Variants in RAD51B observed in about 807,000 individuals in gnomAD.
The protein encoded by RAD51B is DNA repair protein RAD51 homolog 2.
A neutral mutation model predicts 42.2 loss-of-function variants in RAD51B; 38 were observed. The observed-to-expected ratio is 0.90, with a 90% CI of 0.70 to 1.18. The LOEUF is 1.18. RAD51B is among the 50% of genes most tolerant of loss of function. The probability of loss-of-function intolerance (pLI) is 0.00; values close to 1 mark genes in which losing one functional copy is unlikely to be tolerated. For missense variants in RAD51B, 373 were observed against 400.7 expected (o/e 0.93, Z 0.59); for synonymous variants, 154 against 145.2 (o/e 1.06, Z -0.43).
At chr14:68,094,445 A>T (rs1566640148) in intron 7 of RAD51B, among the ~76,000 whole-genome samples, 1 of 152,234 alleles carries the variant, frequency 6.6e-6, no homozygotes. Context: ...ATTTAATGAA[A>T]AATATAAAAG....
At chr14:68,573,450 T>A (rs183134844) in intron 10 of RAD51B, among the ~76,000 whole-genome samples, 1 of 152,306 alleles carries the variant, frequency 6.6e-6, no homozygotes, top group Non-Finnish European at 1.5e-5. Flanking sequence ...ATTCCTTTCT[T>A]AAGGAGAGCT....
chr14:68,203,845 AC>A (rs1350230423), intron 7 of RAD51B, among the ~76,000 whole-genome samples: 1 of 152,096 alleles, frequency 6.6e-6, no homozygotes, highest in Non-Finnish European at 1.5e-5. Context: ...TCATGAAGCA[AC>A]CCCTGCTAAC....
At chr14:67,866,535 G>A (rs1047402837) in intron 5 of RAD51B, among the ~76,000 whole-genome samples, 1 of 152,198 alleles carries the variant, frequency 6.6e-6, no homozygotes, top group African/African-American at 2.4e-5. Context: ...CAGCAGTTCA[G>A]TTCACTGTAA....
intron 7 of RAD51B, among the ~76,000 whole-genome samples, chr14:68,196,269 A>G (rs1046856066): frequency 6.6e-6 from 1 of 152,116 alleles, no homozygotes; most frequent in African/African-American, 2.4e-5. Flanking sequence ...ATGATCCATT[A>G]ATGATGTGAA....
intron 7 of RAD51B, among the ~76,000 whole-genome samples, chr14:68,266,631 C>G (rs1361563301): frequency 6.6e-6 from 1 of 152,150 alleles, no homozygotes; most frequent in African/African-American, 2.4e-5. Context: ...CCAACATTTC[C>G]CTGGAAGGGC....
At chr14:67,918,312 G>A (rs572939320) in intron 7 of RAD51B, among the ~76,000 whole-genome samples, 2 of 152,258 alleles carry the variant, frequency 1.3e-5, no homozygotes, top group African/African-American at 4.8e-5. Flanking sequence ...CTGGCTCACT[G>A]CAACCTCCAC....
At chr14:67,974,253 C>T (rs1479416244) in intron 7 of RAD51B, among the ~76,000 whole-genome samples, 1 of 151,982 alleles carries the variant, frequency 6.6e-6, no homozygotes, top group Non-Finnish European at 1.5e-5. Context: ...TAGGGAATTA[C>T]AATGAAGAGA....
intron 10 of RAD51B, among the ~76,000 whole-genome samples, chr14:68,491,218 C>A (rs779180150): frequency 6.6e-6 from 1 of 152,192 alleles, no homozygotes; most frequent in Admixed American, 6.5e-5. Flanking sequence ...TGCACTCCAA[C>A]CCCAGGCCCG....
At chr14:68,552,884 T>A (rs1888649314) in intron 10 of RAD51B, among the ~76,000 whole-genome samples, 1 of 152,214 alleles carries the variant, frequency 6.6e-6, no homozygotes, top group South Asian at 2.1e-4. Flanking sequence ...CTGAATCACA[T>A]GCAGCTTTTC....
intron 7 of RAD51B, among the ~76,000 whole-genome samples, chr14:68,205,859 GA>G (rs2079574620): frequency 1.3e-5 from 2 of 152,048 alleles, no homozygotes; most frequent in Admixed American, 1.3e-4. Context: ...CAAGAAAGGG[GA>G]TATTCTGTTA....
chr14:68,047,116 A>G (rs1302797718), intron 7 of RAD51B, among the ~76,000 whole-genome samples: 2 of 152,204 alleles, frequency 1.3e-5, no homozygotes, highest in East Asian at 1.9e-4. Context: ...GTTTCTACTT[A>G]GAAGGAAGCC....
intron 10 of RAD51B, among the ~76,000 whole-genome samples, chr14:68,624,118 A>G (rs2140117462): frequency 6.6e-6 from 1 of 152,266 alleles, no homozygotes; most frequent in Non-Finnish European, 1.5e-5. Context: ...CACATCTCAT[A>G]CTCAGGATGA....
chr14:68,121,392 G>A (rs984960396), intron 7 of RAD51B, among the ~76,000 whole-genome samples: 2 of 152,110 alleles, frequency 1.3e-5, no homozygotes, highest in African/African-American at 2.4e-5. Context: ...TCTAAGAGGC[G>A]TTATTCCTCC....
At chr14:67,926,148 C>A (rs2044499345) in intron 7 of RAD51B, among the ~76,000 whole-genome samples, 1 of 152,220 alleles carries the variant, frequency 6.6e-6, no homozygotes. Context: ...GCTTGGATTT[C>A]TCCTCAGAAA....
At chr14:68,296,117 C>T (rs1474915507) in intron 8 of RAD51B, among the ~76,000 whole-genome samples, 1 of 152,154 alleles carries the variant, frequency 6.6e-6, no homozygotes, top group Non-Finnish European at 1.5e-5. Flanking sequence ...ACAACACAGT[C>T]ATTTTTCCCA....
rs867699638 is a variant in RAD51B at position 68,426,692 on chromosome 14, G to A, written c.957+15165G>A. The stretch of plus-strand genomic sequence containing the variant: ...ATTCTCAGCCTGGTTGCCTGGTAGA[G>A]AAAGAAAGAGAGCATTTTCTGGAGA... On this transcript the variant is annotated intron_variant, in intron 9 of 10. Transcript: ENST00000471583. Among the ~76,000 whole-genome samples, 41 of 150,534 alleles carry A rather than the reference G, an allele frequency of 2.7e-4. 1 individual carries two copies. In the Middle Eastern group the frequency reaches 0.031, roughly 112 times the overall value.
At chr14:68,595,619 AT>A in exon 11 of RAD51B, 2 of 1,061,854 alleles carry the variant, frequency 1.9e-6, no homozygotes, top group Non-Finnish European at 2.3e-6. Flanking sequence ...AGTCTCCCCA[AT>A]GTCTACATTG....
At chr14:68,351,810 G>A (rs1463713257) in intron 8 of RAD51B, among the ~76,000 whole-genome samples, 1 of 152,178 alleles carries the variant, frequency 6.6e-6, no homozygotes, top group East Asian at 1.9e-4. Flanking sequence ...CCTGTTTCTA[G>A]CAAAAGATGG....
intron 7 of RAD51B, among the ~76,000 whole-genome samples, chr14:67,948,647 A>G (rs895406773): frequency 6.6e-6 from 1 of 152,016 alleles, no homozygotes; most frequent in African/African-American, 2.4e-5. Flanking sequence ...AAAGCAATAT[A>G]TAGGCCGGGC....
Sources: allele counts gnomAD v4.1 joint callset (sites outside exome capture counted in the v4.1 genomes callset), GRCh38; gene constraint gnomAD v4.1.1; transcripts MANE v1.5; gene names NCBI Gene and HGNC (gene_info 2026-07-23, HGNC 2026-07-21).